Variants in SLC10A2 observed in about 807,000 individuals in gnomAD.
SLC10A2 encodes the protein ileal sodium/bile acid cotransporter.
In SLC10A2, 34 loss-of-function variants were observed where a neutral mutation model predicts 27.1. The observed-to-expected ratio is 1.26, with a 90% CI of 0.96 to 1.67. SLC10A2 has a LOEUF of 1.67. Among genes scored for constraint, SLC10A2 ranks in the 40% most tolerant of loss-of-function variants. SLC10A2 has a pLI of 0.00. For synonymous variants in SLC10A2, 205 were observed against 174.0 expected, an observed-to-expected ratio of 1.18 and a Z score of -1.40; for missense variants, 530 against 444.4, an observed-to-expected ratio of 1.19 and a Z score of -1.73.
chr13:103,051,130 C>T (rs1200234440), intron 4 of SLC10A2, 127 bp downstream of exon 4: 3 of 891,860 alleles, frequency 3.4e-6, no homozygotes, highest in Middle Eastern at 2.3e-4. Flanking sequence ...TCTCTGAAAC[C>T]ATGAGACAAT....
At chr13:103,049,913 G>C (rs963163271) in intron 4 of SLC10A2, among the ~76,000 whole-genome samples, 8 of 152,160 alleles carry the variant, frequency 5.3e-5, no homozygotes, top group Admixed American at 1.3e-4. Context: ...GGCTGAAGTG[G>C]GAGGATTTCT....
chr13:103,053,966 G>T (rs1207157321), intron 2 of SLC10A2, among the ~76,000 whole-genome samples: 4 of 152,088 alleles, frequency 2.6e-5, no homozygotes, highest in African/African-American at 9.7e-5. Flanking sequence ...ACCCCCCTTG[G>T]GTATCCTTGC....
In SLC10A2 at chr13:103,066,294, T is replaced by C; in HGVS notation, c.-45A>G. On this transcript the variant is annotated 5_prime_UTR_variant, in exon 1 of 6. Transcript: ENST00000245312. The stretch of plus-strand genomic sequence containing the variant: ...AAGGCCAAGTCCACAGAAGCGCTGG[T>C]CCCTGGGCCCTGGCTCTGCTGCTGG... 1 of 1,549,436 alleles carries C rather than the reference T, an allele frequency of 6.5e-7. No individual in the cohort carries two copies.
Position 103,065,887 on chromosome 13 carries a change from G to A in SLC10A2, c.363C>T (p.Gly121=), listed in dbSNP as rs143992162. The A allele has an allele frequency of 1.0e-4, 163 of 1,613,906 alleles. No individual in the cohort carries two copies. The highest frequency in any genetic ancestry group is 3.3e-4 in the Admixed American group (20 of 59,988). ...GATAATCTTACCTCAGGTCCATGTC[G>A]CCATCGACCCAATAGGCCAAGATAT... ...ASNILAYWVD[G]DMDLSVSMTT... Residue 121 remains glycine, a synonymous_variant, in exon 1 of 6, where the codon GGC becomes GGT. Transcript: ENST00000245312.
intron 2 of SLC10A2, 127 bp from the exon 3 acceptor site, chr13:103,052,835 A>C: frequency 1.4e-6 from 1 of 704,826 alleles, no homozygotes; most frequent in Non-Finnish European, 2.6e-6. Context: ...TACACAAAAC[A>C]GAATACAGAA....
chr13:103,046,726 G>A (rs2138909479), intron 5 of SLC10A2, among the ~76,000 whole-genome samples: 1 of 152,318 alleles, frequency 6.6e-6, no homozygotes, highest in South Asian at 2.1e-4. Flanking sequence ...TTCCCCCGGA[G>A]AGAAGAGACT....
rs1220309971 is a variant in SLC10A2 at position 103,052,616 on chromosome 13, T to C, written c.585+4A>G. On this transcript the variant is annotated splice_donor_region_variant and intron_variant, in intron 3 of 5. Coordinates refer to ENST00000245312, the MANE Select transcript of SLC10A2 (RefSeq NM_000452.3). ...TATTTAATGGTGTGAACTGGGATACTTACTTTAAGTATGATCTTTGCTTTT... is the reference window on the plus strand; with the variant it reads ...TATTTAATGGTGTGAACTGGGATACCTACTTTAAGTATGATCTTTGCTTTT... 1.3e-6 allele frequency: 2 copies of C among 1,585,102 alleles called. No homozygotes were observed. Among genetic ancestry groups the C allele is most frequent in the Admixed American group, 3.3e-5 (2 of 59,976 alleles).
At chr13:103,062,200 C>T (rs538722179) in intron 1 of SLC10A2, among the ~76,000 whole-genome samples, 16 of 152,144 alleles carry the variant, frequency 1.1e-4, no homozygotes, top group Non-Finnish European at 1.8e-4. Context: ...AAGGCTCTAA[C>T]GTAGCGTATA....
intron 5 of SLC10A2, among the ~76,000 whole-genome samples, chr13:103,046,590 T>G (rs1875618065): frequency 6.6e-6 from 1 of 152,210 alleles, no homozygotes; most frequent in South Asian, 2.1e-4. Flanking sequence ...TCCCAGTTAA[T>G]GTGCTAGTTC....
chr13:103,058,172 C>T (rs924222812), intron 2 of SLC10A2, 92 bp downstream of exon 2: 47 of 822,264 alleles, frequency 5.7e-5, no homozygotes, highest in African/African-American at 1.0e-4. Flanking sequence ...AGGGCAATAA[C>T]GGTCAGGTGT....
chr13:103,047,928 A>G (rs1203674498), intron 5 of SLC10A2, among the ~76,000 whole-genome samples: 1 of 152,064 alleles, frequency 6.6e-6, no homozygotes, highest in African/African-American at 2.4e-5. Context: ...TTATACAGAA[A>G]ACAAGGTAAT....
rs1179032347 is a variant in SLC10A2 at position 103,045,911 on chromosome 13, A to G, written c.*222T>C. The stretch of plus-strand genomic sequence containing the variant: ...TGACAATATATCTATATGAGTATAC[A>G]TACATATATAAAACATATACATATA... On this transcript the variant is annotated 3_prime_UTR_variant, in exon 6 of 6. Transcript: ENST00000245312. 3 of 487,422 alleles carry G rather than the reference A, an allele frequency of 6.2e-6. No homozygotes were observed. The highest frequency in any genetic ancestry group is 3.3e-5 in the Admixed American group (1 of 30,290). 30.2% of individuals were successfully genotyped at this position (487,422 alleles called of 1,614,324 possible). A position where few individuals can be genotyped will look rare whatever the true frequency, so the allele number is the denominator to read the frequency against.
intron 1 of SLC10A2, among the ~76,000 whole-genome samples, chr13:103,065,359 A>G (rs72659703): frequency 0.024 from 3,678 of 152,290 alleles, 64 homozygotes; most frequent in Middle Eastern, 0.054. Flanking sequence ...GCAAATTTAC[A>G]AATTCTTCCT....
rs748797285 is a variant in SLC10A2, at chr13:103,066,403, C to A, written c.-154G>T. The stretch of plus-strand genomic sequence containing the variant: ...TGTCACTTGGTGTCTCTTTTGAAAG[C>A]CACCTTAGGGAAGTAATAAAAAACA... On this transcript the variant is annotated 5_prime_UTR_variant, in exon 1 of 6. Transcript: ENST00000245312. 6.7e-5 allele frequency: 47 copies of A among 700,066 alleles called. No individual in the cohort carries two copies. The highest frequency in any genetic ancestry group is 9.4e-5 in the Non-Finnish European group (42 of 448,292). 43.4% of individuals were successfully genotyped at this position (700,066 alleles called of 1,614,324 possible).
intron 2 of SLC10A2, among the ~76,000 whole-genome samples, chr13:103,056,082 G>A (rs1875928262): frequency 6.6e-6 from 1 of 152,252 alleles, no homozygotes; most frequent in Non-Finnish European, 1.5e-5. Flanking sequence ...GCAGGGACAA[G>A]CTGCATAAGG....
In SLC10A2 at chr13:103,066,261, C is replaced by T. The variant is rs1234937215; in HGVS notation, c.-12G>A. The T allele has an allele frequency of 1.3e-6, 2 of 1,591,574 alleles. No individual in the cohort carries two copies. Among genetic ancestry groups the T allele is most frequent in the East Asian group, 2.2e-5 (1 of 44,548 alleles). On this transcript the variant is annotated 5_prime_UTR_variant, in exon 1 of 6. Transcript: ENST00000245312. Reference sequence around the variant, plus strand: ...TTCGGATCATTCATTGCTGGGTCTGCTGCTGGAAAGGCCAAGTCCACAGAA... The same window carrying T: ...TTCGGATCATTCATTGCTGGGTCTGTTGCTGGAAAGGCCAAGTCCACAGAA...
intron 2 of SLC10A2, 46 bp from the exon 3 acceptor site, chr13:103,052,754 A>G: frequency 8.4e-7 from 1 of 1,186,426 alleles, no homozygotes; most frequent in Non-Finnish European, 1.3e-6. Context: ...CAGGTGACAC[A>G]GGAAAGAGAA....
chr13:103,048,992 A>G (rs1472654954), intron 5 of SLC10A2, among the ~76,000 whole-genome samples: 1 of 152,232 alleles, frequency 6.6e-6, no homozygotes, highest in African/African-American at 2.4e-5. Context: ...GAAGGCGCAC[A>G]ATAAAATGGT....
chr13:103,049,206 G>T, intron 5 of SLC10A2, 83 bp downstream of exon 5: 2 of 1,412,376 alleles, frequency 1.4e-6, no homozygotes, highest in Non-Finnish European at 2.0e-6. Context: ...CACCAGGAAC[G>T]GGGAGTTTTA....
Sources: gnomAD v4.1 joint callset for allele counts (sites outside exome capture counted in the v4.1 genomes callset) on GRCh38, gnomAD v4.1.1 for gene constraint, MANE v1.5 for transcripts, NCBI Gene and HGNC (gene_info 2026-07-23, HGNC 2026-07-21) for gene names.